The following DNAJB4 variants were observed in gnomAD, a reference collection of about 807,000 sequenced individuals.
The protein encoded by DNAJB4 is DnaJ heat shock protein family (Hsp40) member B4.
In DNAJB4, 10 loss-of-function variants were observed where a neutral mutation model predicts 26.6. The ratio of observed to expected loss-of-function variants is 0.38; its 90% CI spans 0.23 to 0.64. DNAJB4 has a LOEUF of 0.64. Ranked by LOEUF, DNAJB4 falls within the 30% of genes least tolerant of loss-of-function variation. The pLI, the probability that DNAJB4 is intolerant of heterozygous loss-of-function variation, is 0.58. For missense variants in DNAJB4, 328 were observed against 408.2 expected (o/e 0.80, Z 1.69); for synonymous variants, 136 against 134.8 (o/e 1.01, Z -0.06).
upstream of DNAJB4, among the ~76,000 whole-genome samples, chr1:78,001,867 A>G (rs1191510398): frequency 2.6e-5 from 4 of 152,204 alleles, no homozygotes; most frequent in Non-Finnish European, 5.9e-5. Flanking sequence ...TTGTGTTTTC[A>G]TGGAATAATC....
intron 2 of DNAJB4, 144 bp from the exon 3 acceptor site, chr1:78,015,870 G>A (rs1184750899): frequency 1.3e-6 from 1 of 786,886 alleles, no homozygotes; most frequent in Non-Finnish European, 2.0e-6. Context: ...TTTCTAATGA[G>A]GAAAAAAAAT....
At chr1:78,002,080 C>G (rs970970366), upstream of DNAJB4, among the ~76,000 whole-genome samples, 2 of 152,180 alleles carry the variant, frequency 1.3e-5, no homozygotes, top group African/African-American at 4.8e-5. Flanking sequence ...TATGTGATAT[C>G]TAAATATTCC....
chr1:78,016,197 A>G lies in DNAJB4; in HGVS notation c.964A>G (p.Ile322Val), dbSNP rs554120675. The G allele has an allele frequency of 6.2e-6, 10 of 1,614,148 alleles. No homozygotes were observed. The highest frequency in any genetic ancestry group is 3.3e-5 in the Admixed American group (2 of 60,024). ...IEFEVSFPDTISSSSKEVLRK... is the reference protein window; with the variant it reads ...IEFEVSFPDTVSSSSKEVLRK... ...ATTTGAGGTGTCCTTCCCAGATACTATATCTTCTTCATCCAAAGAAGTACT... is the reference window on the plus strand; with the variant it reads ...ATTTGAGGTGTCCTTCCCAGATACTGTATCTTCTTCATCCAAAGAAGTACT... Residue 322 changes from isoleucine to valine, a missense_variant, in exon 3 of 3, where the codon ATA (isoleucine) becomes GTA (valine). Ile to Val is a conservative substitution (Grantham distance 29). Coordinates refer to ENST00000370763, the MANE Select transcript of DNAJB4 (RefSeq NM_007034.5).
Position 77,985,411 on chromosome 1 carries a change from A to G in DNAJB4, c.-32+5089A>G, listed in dbSNP as rs561437461. 6.0e-4 allele frequency among the ~76,000 whole-genome samples: 91 copies of G among 152,282 alleles called. 3 individuals are homozygous for G. The highest frequency in any genetic ancestry group is 2.1e-3 in the African/African-American group (89 of 41,572). ...TCTCACTTCATTTAAAAAAAATTTG[A>G]AGGGACATGTACTTAAGAAAAAGGA... On this transcript the variant is annotated intron_variant, in intron 1 of 2. Coordinates refer to the DNAJB4 transcript ENST00000426517.
At chr1:77,980,337 ATATGTGTGTGTGTG>A (rs961487638) in intron 1 of DNAJB4, 3 of 137,014 alleles carry the variant, frequency 2.2e-5, no homozygotes, top group Admixed American at 7.6e-5. Flanking sequence ...ATATATATAT[ATATGTGTGTGTGTG>A]TGTGTGTGTG....
chr1:77,983,903 G>A (rs144923556), intron 1 of DNAJB4, among the ~76,000 whole-genome samples: 225 of 152,270 alleles, frequency 1.5e-3, no homozygotes, highest in African/African-American at 5.2e-3. Context: ...AGCTCTGGCC[G>A]ACTTTTGCTT....
At chr1:78,006,485 A>G (rs1174753266) in intron 1 of DNAJB4, among the ~76,000 whole-genome samples, 1 of 152,218 alleles carries the variant, frequency 6.6e-6, no homozygotes, top group Non-Finnish European at 1.5e-5. Context: ...AATTAGAAAT[A>G]TATCCTTAAA....
chr1:77,992,330 G>A (rs1407019111), intron 1 of DNAJB4, among the ~76,000 whole-genome samples: 7 of 139,446 alleles, frequency 5.0e-5, no homozygotes, highest in East Asian at 4.7e-4. Context: ...GGAGAATGGC[G>A]TGAACCCGGG....
At position 78,016,286 on chromosome 1, in the gene DNAJB4, G is replaced by A; in HGVS notation, c.*39G>A. On this transcript the variant is annotated 3_prime_UTR_variant, in exon 3 of 3. Transcript: ENST00000370763. ...GTTACACATATTTTGATAAGGCACTGAAAATATAAAAGGACTGGTAGTTTA... is the reference window on the plus strand; with the variant it reads ...GTTACACATATTTTGATAAGGCACTAAAAATATAAAAGGACTGGTAGTTTA... 1.3e-6 allele frequency: 2 copies of A among 1,541,920 alleles called. No individual in the cohort carries two copies. Among genetic ancestry groups the A allele is most frequent in the Non-Finnish European group, 1.8e-6 (2 of 1,121,792 alleles).
At chr1:77,991,126 G>A (rs76196312) in intron 1 of DNAJB4, among the ~76,000 whole-genome samples, 3,070 of 152,222 alleles carry the variant, frequency 0.02, 69 homozygotes, top group East Asian at 0.11. Flanking sequence ...TAGGTGAAGG[G>A]CTCCTGGAGT....
chr1:78,000,907 C>T (rs537524375), upstream of DNAJB4, among the ~76,000 whole-genome samples: 3 of 152,090 alleles, frequency 2.0e-5, no homozygotes, highest in South Asian at 2.1e-4. Context: ...TCTTAAAACC[C>T]GGGAGGCGGA....
upstream of DNAJB4, among the ~76,000 whole-genome samples, chr1:78,000,217 A>C (rs2102600693): frequency 6.6e-6 from 1 of 152,268 alleles, no homozygotes; most frequent in South Asian, 2.1e-4. Context: ...CTGGAAAAAA[A>C]ATTTTCAAGT....
chr1:77,985,448 T>C (rs905972712), intron 1 of DNAJB4, among the ~76,000 whole-genome samples: 1 of 152,208 alleles, frequency 6.6e-6, no homozygotes, highest in Non-Finnish European at 1.5e-5. Context: ...TTAATTTTTT[T>C]ATAAGAAATA....
chr1:78,007,560 G>T (rs942876718), intron 1 of DNAJB4, among the ~76,000 whole-genome samples: 2 of 152,082 alleles, frequency 1.3e-5, no homozygotes, highest in Non-Finnish European at 2.9e-5. Flanking sequence ...CAGCCTGGGC[G>T]ACAGAGCGAG....
chr1:77,998,743 T>C (rs938952553), intron 1 of DNAJB4, among the ~76,000 whole-genome samples: 1 of 151,848 alleles, frequency 6.6e-6, no homozygotes. Flanking sequence ...GGGGCTGAGG[T>C]GGGAAAATGG....
At chr1:77,988,084 G>A (rs144587528) in intron 1 of DNAJB4, among the ~76,000 whole-genome samples, 4 of 145,372 alleles carry the variant, frequency 2.8e-5, no homozygotes, top group African/African-American at 1.0e-4. Flanking sequence ...TGAGTGCAGT[G>A]TATAATCAGA....
chr1:77,982,453 A>AT (rs1453486042), intron 1 of DNAJB4, among the ~76,000 whole-genome samples: 1 of 152,250 alleles, frequency 6.6e-6, no homozygotes, highest in Non-Finnish European at 1.5e-5. Flanking sequence ...CATGAAACTT[A>AT]ACCTGACTAA....
At chr1:77,992,060 ATTTTATAGAACATAACCATGGCAAATG>A (rs920209045) in intron 1 of DNAJB4, among the ~76,000 whole-genome samples, 1 of 152,204 alleles carries the variant, frequency 6.6e-6, no homozygotes, top group Non-Finnish European at 1.5e-5. Flanking sequence ...ATTTGGGATG[ATTTTATAGAACATAACCATGGCAAATG>A]TTTTATAGAA....
intron 1 of DNAJB4, among the ~76,000 whole-genome samples, chr1:78,008,919 A>G (rs1049376626): frequency 2.0e-4 from 31 of 152,154 alleles, no homozygotes; most frequent in African/African-American, 7.0e-4. Context: ...AAGATTTTCA[A>G]TAACACATCC....
Sources: gnomAD v4.1 joint callset for allele counts (sites outside exome capture counted in the v4.1 genomes callset) on GRCh38, gnomAD v4.1.1 for gene constraint, MANE v1.5 for transcripts, NCBI Gene and HGNC (gene_info 2026-07-23, HGNC 2026-07-21) for gene names.